Variants in TBCD observed in about 807,000 individuals in gnomAD.
TBCD encodes the protein tubulin folding cofactor D.
A neutral mutation model predicts 169.3 loss-of-function variants in TBCD; 105 were observed. The observed-to-expected ratio is 0.62, with a 90% CI of 0.53 to 0.73. The LOEUF is 0.73. Ranked by LOEUF, TBCD falls within the 30% of genes least tolerant of loss-of-function variation. The probability of loss-of-function intolerance (pLI) is 0.00; values close to 1 mark genes in which losing one functional copy is unlikely to be tolerated. For synonymous variants in TBCD, 700 were observed against 643.9 expected (o/e 1.09, Z -1.32); for missense variants, 1,444 against 1,600.1 (o/e 0.90, Z 1.66).
chr17:82,777,958 G>A (rs894047113), intron 6 of TBCD, among the ~76,000 whole-genome samples: 3 of 152,218 alleles, frequency 2.0e-5, no homozygotes, highest in East Asian at 1.9e-4. Context: ...AGACGCTGGC[G>A]TTACCGCTAG....
At chr17:82,773,836 C>T (rs1238814936) in intron 6 of TBCD, among the ~76,000 whole-genome samples, 1 of 151,900 alleles carries the variant, frequency 6.6e-6, no homozygotes, top group African/African-American at 2.4e-5. Context: ...ACACCATTCT[C>T]CTGCCTCAGC....
rs763111933 is a variant in TBCD at position 82,942,648 on chromosome 17, A to C, written c.*185A>C. 2.9e-6 allele frequency: 2 copies of C among 691,598 alleles called. No homozygotes were observed. Among genetic ancestry groups the C allele is most frequent in the African/African-American group, 1.8e-5 (1 of 55,498 alleles). 42.8% of individuals were successfully genotyped at this position (691,598 alleles called of 1,614,324 possible). Reference sequence around the variant, plus strand: ...CCTGCGCTCTGGTGACTTGGGGTGGACGCCTCTGCCTTCACTTGAACACAA... The same window carrying C: ...CCTGCGCTCTGGTGACTTGGGGTGGCCGCCTCTGCCTTCACTTGAACACAA... On this transcript the variant is annotated 3_prime_UTR_variant, in exon 39 of 39. Coordinates refer to ENST00000355528, the MANE Select transcript of TBCD (RefSeq NM_005993.5).
rs1344568523 is a variant in TBCD, at chr17:82,943,768, C to T, written c.*1305C>T. 6.6e-6 allele frequency: 1 copy of T among 152,194 alleles called. No homozygotes were observed. Among genetic ancestry groups the T allele is most frequent in the Non-Finnish European group, 1.5e-5 (1 of 68,034 alleles). The allele number at this position is 152,194 out of a possible 1,614,324, so 9.4% of individuals were successfully genotyped here. ...GACCTGGTGGCCAATGGTCTTTATA[C>T]CCTAAAAGAGCCTTGGGTTACATTT... On this transcript the variant is annotated 3_prime_UTR_variant, in exon 39 of 39. Transcript: ENST00000355528.
At chr17:82,849,562 T>C (rs2055475081) in intron 13 of TBCD, among the ~76,000 whole-genome samples, 1 of 152,234 alleles carries the variant, frequency 6.6e-6, no homozygotes, top group Admixed American at 6.5e-5. Flanking sequence ...CATTTCAAGC[T>C]CTGAAAGTAG....
intron 13 of TBCD, among the ~76,000 whole-genome samples, chr17:82,823,276 G>T (rs1310084537): frequency 6.6e-6 from 1 of 152,218 alleles, no homozygotes; most frequent in East Asian, 1.9e-4. Flanking sequence ...GTGTACCTCA[G>T]TTCCCAGGTG....
chr17:82,856,398 G>C (rs1022495673), intron 13 of TBCD, among the ~76,000 whole-genome samples: 8 of 151,678 alleles, frequency 5.3e-5, no homozygotes, highest in Admixed American at 5.2e-4. Context: ...TTTGAGGCGA[G>C]GAGTTCAAGA....
At chr17:82,793,806 G>C (rs564548867) in intron 7 of TBCD, among the ~76,000 whole-genome samples, 1 of 151,806 alleles carries the variant, frequency 6.6e-6, no homozygotes, top group African/African-American at 2.4e-5. Context: ...CTGAGCCTGC[G>C]GGGGCACGGC....
intron 37 of TBCD, among the ~76,000 whole-genome samples, chr17:82,940,084 T>A (rs1352912380): frequency 6.6e-6 from 1 of 152,092 alleles, no homozygotes; most frequent in East Asian, 1.9e-4. Flanking sequence ...AGGGTCTGAA[T>A]GAGAGCAGAG....
At chr17:82,815,202 T>C (rs2051781392) in intron 13 of TBCD, among the ~76,000 whole-genome samples, 1 of 152,342 alleles carries the variant, frequency 6.6e-6, no homozygotes, top group East Asian at 1.9e-4. Flanking sequence ...ATTGCCTCTT[T>C]TGTCTGCTGT....
chr17:82,876,895 T>C, intron 14 of TBCD: 2 of 912,316 alleles, frequency 2.2e-6, no homozygotes, highest in Non-Finnish European at 2.6e-6. Context: ...CGGGAGTGCC[T>C]GCGTCTCCTG....
At chr17:82,777,891 T>A (rs2048701268) in intron 6 of TBCD, among the ~76,000 whole-genome samples, 1 of 152,172 alleles carries the variant, frequency 6.6e-6, no homozygotes, top group African/African-American at 2.4e-5. Flanking sequence ...CGGGTGTTTT[T>A]CCTTGACACT....
intron 14 of TBCD, among the ~76,000 whole-genome samples, chr17:82,878,329 T>C (rs901695248): frequency 5.3e-5 from 8 of 152,148 alleles, no homozygotes; most frequent in African/African-American, 2.4e-5. Flanking sequence ...AGTTCAGTGG[T>C]TTTTAGTGTA....
In TBCD at chr17:82,807,599, T is replaced by C. The variant is rs2051068194; in HGVS notation, c.1088-9T>C. On this transcript the variant is annotated splice_polypyrimidine_tract_variant and intron_variant, in intron 10 of 38. Coordinates refer to ENST00000355528, the MANE Select transcript of TBCD (RefSeq NM_005993.5). ...GACTCTGTCACGCATCACCTTCCTC[T>C]TCCTACAGAGCAGCTGCTGGTCGGG... 6.6e-7 allele frequency: 1 copy of C among 1,512,420 alleles called. No individual in the cohort carries two copies. 93.7% of individuals were successfully genotyped at this position (1,512,420 alleles called of 1,614,324 possible). A position where few individuals can be genotyped will look rare whatever the true frequency, so the allele number is the denominator to read the frequency against.
At chr17:82,866,792 C>T (rs2057204538) in intron 13 of TBCD, among the ~76,000 whole-genome samples, 1 of 152,236 alleles carries the variant, frequency 6.6e-6, no homozygotes. Context: ...AGCCCAGCCC[C>T]TCTGTGGCTC....
intron 6 of TBCD, among the ~76,000 whole-genome samples, chr17:82,780,618 C>G (rs113355506): frequency 0.061 from 8,965 of 148,072 alleles, 383 homozygotes; most frequent in Admixed American, 0.13. Flanking sequence ...GCACAAGACT[C>G]CATCTCAAAA....
intron 23 of TBCD, among the ~76,000 whole-genome samples, chr17:82,917,019 C>CTTTTTTTTTTTTTTTTT (rs59331670): frequency 1.3e-3 from 145 of 108,468 alleles, no homozygotes; most frequent in Non-Finnish European, 1.9e-3. Context: ...TTTTTCTTTT[C>CTTTTTTTTTTTTTTTTT]TTTTCTTTTT....
chr17:82,832,329 A>G lies in TBCD; in HGVS notation c.1318+17395A>G. 1 of 1,614,242 alleles carries G rather than the reference A, an allele frequency of 6.2e-7. No homozygotes were observed. On this transcript the variant is annotated intron_variant, in intron 13 of 38. Coordinates refer to ENST00000355528, the MANE Select transcript of TBCD (RefSeq NM_005993.5). The surrounding 1 kb of genome is among the most constrained non-coding windows in gnomAD (Gnocchi z 4.9). ...TTTTACAAAGACCATACTTCATGTG[A>G]TTAAAAAGATGTGACTTCTCATTGC...
At chr17:82,822,852 T>C (rs1248647908) in intron 13 of TBCD, among the ~76,000 whole-genome samples, 1 of 152,102 alleles carries the variant, frequency 6.6e-6, no homozygotes, top group East Asian at 1.9e-4. Flanking sequence ...TACAAAGTTA[T>C]GGATTGATGA....
Position 82,930,671 on chromosome 17 carries a change from G to T in TBCD, c.3113+28G>T. 1 of 1,613,762 alleles carries T rather than the reference G, an allele frequency of 6.2e-7. No homozygotes were observed. Among genetic ancestry groups the T allele is most frequent in the Non-Finnish European group, 8.5e-7 (1 of 1,179,816 alleles). ...GAGTGGTGTCTCTTGGGGCCTCAGA[G>T]GCGTGAGTGGTGCTGGTGCCTCTCA... On this transcript the variant is annotated intron_variant, in intron 33 of 38. Coordinates refer to ENST00000355528, the MANE Select transcript of TBCD (RefSeq NM_005993.5). This position sits in a 1 kb window ranked among gnomAD's most constrained non-coding sequence, Gnocchi z 5.2.
Sources: allele counts gnomAD v4.1 joint callset (sites outside exome capture counted in the v4.1 genomes callset), GRCh38; gene constraint gnomAD v4.1.1; non-coding constraint Gnocchi (gnomAD v3.1); transcripts MANE v1.5; gene names NCBI Gene and HGNC (gene_info 2026-07-23, HGNC 2026-07-21).